Variants in TTLL5 observed in about 807,000 individuals in gnomAD.
TTLL5 encodes the protein tubulin polyglutamylase TTLL5.
In TTLL5, 132 loss-of-function variants were observed where a neutral mutation model predicts 168.4. The observed-to-expected ratio is 0.78, with a 90% confidence interval of 0.68 to 0.91. The LOEUF (loss-of-function observed/expected upper bound fraction) is 0.91, where lower values mean the gene tolerates loss of function less well. TTLL5 is among the 40% of genes least tolerant of loss of function. TTLL5 has a pLI of 0.00. For missense variants in TTLL5, 1,545 were observed against 1,581.5 expected, an observed-to-expected ratio of 0.98 and a Z score of 0.39; for synonymous variants, 546 against 558.6, an observed-to-expected ratio of 0.98 and a Z score of 0.32.
chr14:75,826,006 G>T (rs1446133666), intron 28 of TTLL5, among the ~76,000 whole-genome samples: 6 of 151,844 alleles, frequency 4.0e-5, no homozygotes, highest in Non-Finnish European at 8.8e-5. Context: ...GAGCAAAAGT[G>T]ATTGGCTTCT....
At chr14:75,685,419 A>G (rs1276386570) in intron 5 of TTLL5, among the ~76,000 whole-genome samples, 1 of 151,950 alleles carries the variant, frequency 6.6e-6, no homozygotes, top group Non-Finnish European at 1.5e-5. Flanking sequence ...TTTTGTCTTA[A>G]TGTAATATTT....
At chr14:75,876,534 T>C (rs965432852) in intron 29 of TTLL5, among the ~76,000 whole-genome samples, 2 of 152,344 alleles carry the variant, frequency 1.3e-5, no homozygotes, top group African/African-American at 4.8e-5. Context: ...GTTGGAAGGC[T>C]TCCGACACCT....
Position 75,734,022 on chromosome 14 carries a change from T to G in TTLL5, c.1158T>G (p.Ser386Arg). Reference sequence around the variant, plus strand: ...CTCTGGACCTAAAGATTAAAGCCAGTATGATTTCAGATATGTTCACTGTTG... The same window carrying G: ...CTCTGGACCTAAAGATTAAAGCCAGGATGATTTCAGATATGTTCACTGTTG... Reference protein sequence around the residue: ...DAPLDLKIKASMISDMFTVVG... With the variant: ...DAPLDLKIKARMISDMFTVVG... The change falls in exon 14 of 32, where the codon AGT (serine) becomes AGG (arginine). Residue 386 changes from serine to arginine, a missense_variant. Ser to Arg is a moderately radical substitution (Grantham distance 110, BLOSUM62 -1). Coordinates refer to ENST00000298832, the MANE Select transcript of TTLL5 (RefSeq NM_015072.5). 1 of 1,614,096 alleles carries G rather than the reference T, an allele frequency of 6.2e-7. No homozygotes were observed. Among genetic ancestry groups the G allele is most frequent in the Non-Finnish European group, 8.5e-7 (1 of 1,179,954 alleles).
Position 75,827,707 on chromosome 14 carries a change from C to CTTTTTTTTTTTTTT in TTLL5, c.3326+7564_3326+7577dup, listed in dbSNP as rs561078439. On this transcript the variant is annotated intron_variant, in intron 28 of 31. Transcript: ENST00000298832. ...AATCAATACCACATTTGGCTTGGTTCTTTTTTTTTTTTTTTTTTTTTTTTT... is the reference window on the plus strand; with the variant it reads ...AATCAATACCACATTTGGCTTGGTTCTTTTTTTTTTTTTTTTTTTTTTTTTTTTTTTTTTTTTTT... 7.3e-4 allele frequency among the ~76,000 whole-genome samples: 39 copies of CTTTTTTTTTTTTTT among 53,204 alleles called. 4 individuals carry two copies. The highest frequency in any genetic ancestry group is 1.4e-3 in the South Asian group (1 of 706). The allele number at this position is 53,204 out of a possible 152,430, so 34.9% of individuals were successfully genotyped here.
chr14:75,773,539 G>T (rs927261206), intron 21 of TTLL5, among the ~76,000 whole-genome samples: 3 of 152,140 alleles, frequency 2.0e-5, no homozygotes, highest in African/African-American at 7.2e-5. Flanking sequence ...CTTTCTACAA[G>T]AATATTGAGG....
chr14:75,662,347 C>T (rs1457817214), intron 1 of TTLL5, among the ~76,000 whole-genome samples: 1 of 148,670 alleles, frequency 6.7e-6, no homozygotes, highest in Non-Finnish European at 1.5e-5. Flanking sequence ...TTTTTTGAGA[C>T]GGAGTTCACT....
rs2140283648 is a variant in TTLL5, at chr14:75,757,759, A to AT, written c.1550+4805dup. On this transcript the variant is annotated intron_variant, in intron 18 of 31. Coordinates refer to ENST00000298832, the MANE Select transcript of TTLL5 (RefSeq NM_015072.5). The stretch of plus-strand genomic sequence containing the variant: ...TCTGTATTAAAAATTTCTGGAGTGC[A>AT]TGTGTGTGTGAACTTAAGAGAGACT... 3 of 1,380,102 alleles carry AT rather than the reference A, an allele frequency of 2.2e-6. No individual in the cohort carries two copies. In the South Asian group the frequency reaches 4.6e-5, roughly 21 times the overall value. The allele number at this position is 1,380,102 out of a possible 1,614,324, so 85.5% of individuals were successfully genotyped here.
At chr14:75,763,326 T>G (rs1890777617) in intron 18 of TTLL5, among the ~76,000 whole-genome samples, 1 of 151,710 alleles carries the variant, frequency 6.6e-6, no homozygotes, top group Non-Finnish European at 1.5e-5. Flanking sequence ...GAACCATTTT[T>G]AAAGTTCATT....
At chr14:75,781,957 CAAAAAAAAAAAAA>C (rs11350842) in intron 24 of TTLL5, among the ~76,000 whole-genome samples, 3 of 69,474 alleles carry the variant, frequency 4.3e-5, no homozygotes, top group Non-Finnish European at 5.8e-5. Context: ...AAACTTTGTT[CAAAAAAAAAAAAA>C]AAAAAAAAAA....
intron 28 of TTLL5, among the ~76,000 whole-genome samples, chr14:75,857,285 A>G (rs1349145028): frequency 2.0e-5 from 3 of 152,220 alleles, no homozygotes; most frequent in South Asian, 2.1e-4. Flanking sequence ...GGTGAATTAT[A>G]TGATAGATTT....
At chr14:75,814,844 T>C in intron 27 of TTLL5, among the ~76,000 whole-genome samples, 1 of 152,322 alleles carries the variant, frequency 6.6e-6, no homozygotes, top group Middle Eastern at 3.4e-3. Context: ...TTTTAAATTA[T>C]ATAAAGTTTA....
chr14:75,676,241 G>A (rs1884143356), intron 3 of TTLL5, among the ~76,000 whole-genome samples: 1 of 152,154 alleles, frequency 6.6e-6, no homozygotes, highest in African/African-American at 2.4e-5. Context: ...CATTTAACCA[G>A]GTATCTGGGC....
chr14:75,679,420 A>G lies in TTLL5; in HGVS notation c.182-2125A>G, dbSNP rs924697877. On this transcript the variant is annotated intron_variant, in intron 3 of 31. Transcript: ENST00000298832. ...CACAGAAAGGAACACAGCTCTGCCA[A>G]TTCCTTGGTTTTAGCCTGGTGAGAC... Among the ~76,000 whole-genome samples the G allele has an allele frequency of 2.0e-4, 31 of 152,340 alleles. No homozygotes were observed. The East Asian group carries it at 3.9e-3, about 19-fold the overall frequency.
chr14:75,671,087 G>A (rs1372822319), intron 3 of TTLL5, among the ~76,000 whole-genome samples: 2 of 152,128 alleles, frequency 1.3e-5, no homozygotes, highest in Non-Finnish European at 2.9e-5. Flanking sequence ...TTCATGTAGG[G>A]TTATGTAAGG....
In TTLL5 at chr14:75,719,716, AT is replaced by A. The variant is rs779144399; in HGVS notation, c.843-16del. ...AAGCCTAGTTACATATGTGACTTTG[AT>A]TTATTAATTTGTTTTAGTTGTGACG... On this transcript the variant is annotated intron_variant, in intron 10 of 31. Coordinates refer to ENST00000298832, the MANE Select transcript of TTLL5 (RefSeq NM_015072.5). The A allele has an allele frequency of 1.3e-6, 2 of 1,591,056 alleles. No homozygotes were observed. The highest frequency in any genetic ancestry group is 1.7e-6 in the Non-Finnish European group (2 of 1,169,696).
intron 28 of TTLL5, chr14:75,835,280 G>C (rs980720046): frequency 6.6e-6 from 1 of 152,210 alleles, no homozygotes; most frequent in African/African-American, 2.4e-5. Context: ...ATTTCACCTG[G>C]TGGAATCAAT....
intron 5 of TTLL5, among the ~76,000 whole-genome samples, chr14:75,686,866 T>C (rs899729089): frequency 5.9e-5 from 9 of 152,294 alleles, no homozygotes; most frequent in African/African-American, 2.2e-4. Flanking sequence ...TTTATGCTAT[T>C]AGAGAATCAT....
At chr14:75,735,565 C>T (rs764205192) in intron 15 of TTLL5, among the ~76,000 whole-genome samples, 6 of 151,832 alleles carry the variant, frequency 4.0e-5, no homozygotes, top group Admixed American at 6.6e-5. Flanking sequence ...ACGTTTTTTC[C>T]GCCTCAGATT....
At chr14:75,830,196 A>G (rs1417625528) in intron 28 of TTLL5, among the ~76,000 whole-genome samples, 2 of 152,182 alleles carry the variant, frequency 1.3e-5, no homozygotes, top group East Asian at 3.8e-4. Flanking sequence ...TTTCAAGAAG[A>G]AGGAAAAGGA....
Sources: gnomAD v4.1 joint callset for allele counts (sites outside exome capture counted in the v4.1 genomes callset) on GRCh38, gnomAD v4.1.1 for gene constraint, MANE v1.5 for transcripts, NCBI Gene and HGNC (gene_info 2026-07-23, HGNC 2026-07-21) for gene names.